Variants in ANKRD18A observed in about 807,000 individuals in gnomAD.
ANKRD18A encodes the protein ankyrin repeat domain 18A, also known as ankyrin repeat domain-containing protein 18A.
In ANKRD18A, 72 loss-of-function variants were observed where a neutral mutation model predicts 110.6. That is an observed-to-expected ratio of 0.65 (90% CI 0.54 to 0.79). ANKRD18A has a LOEUF of 0.79. ANKRD18A is among the 30% of genes least tolerant of loss of function. The pLI is 0.00. For missense variants in ANKRD18A, 934 were observed against 1,163.3 expected (o/e 0.80, Z 2.87); for synonymous variants, 305 against 410.3 (o/e 0.74, Z 3.10).
At chr9:38,591,099 T>C (rs919585382) in intron 10 of ANKRD18A, among the ~76,000 whole-genome samples, 5 of 151,834 alleles carry the variant, frequency 3.3e-5, no homozygotes, top group African/African-American at 1.2e-4. Flanking sequence ...TAGCTGGGAT[T>C]ACAGGCATGC....
rs138081438 is a variant in ANKRD18A, at chr9:38,583,976, C to T, written c.2247+2207G>A. 5.8e-3 allele frequency among the ~76,000 whole-genome samples: 886 copies of T among 152,326 alleles called. 18 individuals are homozygous for T. The highest frequency in any genetic ancestry group is 7.8e-3 in the Non-Finnish European group (530 of 68,030). ...CTTGCCTGGACTTGCCAGCAGCAGA[C>T]TGGAGGCCCACATGCACTGGGGGGA... is the stretch of plus-strand genomic sequence containing the variant. On this transcript the variant is annotated intron_variant, in intron 12 of 15. Coordinates refer to ENST00000399703, the MANE Select transcript of ANKRD18A (RefSeq NM_147195.4).
chr9:38,607,463 AT>A lies in ANKRD18A; in HGVS notation c.770del (p.Asn257IlefsTer18). The stretch of plus-strand genomic sequence containing the variant: ...TTCGAAGATGATTTTTAAGCATTTT[AT>A]TTTTATGTTCCAAAATTTGTTGTCG... ...SIRQQILEHK[N>X]KMLKNHLRND... On this transcript the variant is annotated frameshift_variant, in exon 6 of 16. Coordinates refer to ENST00000399703, the MANE Select transcript of ANKRD18A (RefSeq NM_147195.4). LOFTEE classifies it high-confidence loss of function. 1 of 1,504,902 alleles carries A rather than the reference AT, an allele frequency of 6.6e-7. No homozygotes were observed. The highest frequency in any genetic ancestry group is 8.9e-7 in the Non-Finnish European group (1 of 1,123,186). The allele number at this position is 1,504,902 out of a possible 1,614,324, so 93.2% of individuals were successfully genotyped here.
chr9:38,619,962 G>T, intron 1 of ANKRD18A, 118 bp downstream of exon 1: 1 of 1,285,126 alleles, frequency 7.8e-7, no homozygotes, highest in Non-Finnish European at 1.1e-6. Flanking sequence ...GGCTCCATTT[G>T]GCTCCGCTGC....
Position 38,575,693 on chromosome 9 carries a change from T to C in ANKRD18A, c.2747A>G (p.Asp916Gly), listed in dbSNP as rs1300346466. 1.2e-5 allele frequency: 19 copies of C among 1,550,520 alleles called. No homozygotes were observed. The highest frequency in any genetic ancestry group is 1.6e-5 in the Non-Finnish European group (18 of 1,146,504). Residue 916 changes from aspartate (D) to glycine (G), a missense_variant, in exon 15 of 16, where the codon GAT (aspartate) becomes GGT (glycine). Physicochemically the swap from Asp to Gly is moderately conservative, Grantham distance 94. Around this residue, in one of 4 missense-constraint regions of ANKRD18A, gnomAD observed 223 missense variants for 226.7 expected, o/e 0.98. Coordinates refer to ENST00000399703, the MANE Select transcript of ANKRD18A (RefSeq NM_147195.4). Reference protein sequence around the residue: ...NSMSKKLMKSDKKIAVISTKL... With the variant: ...NSMSKKLMKSGKKIAVISTKL... Reference sequence around the variant, plus strand: ...GGTGCTGATCACTGCTATTTTCTTATCCGATCTGTAAAGAGAGCAAAGACA... The same window carrying C: ...GGTGCTGATCACTGCTATTTTCTTACCCGATCTGTAAAGAGAGCAAAGACA...
At chr9:38,609,457 G>A (rs1446163913) in intron 5 of ANKRD18A, among the ~76,000 whole-genome samples, 1 of 152,002 alleles carries the variant, frequency 6.6e-6, no homozygotes, top group Non-Finnish European at 1.5e-5. Flanking sequence ...CTCCAGCCTG[G>A]GCGACTGAGC....
Position 38,590,094 on chromosome 9 carries a change from G to C in ANKRD18A, c.2005-1431C>G, listed in dbSNP as rs149269376. Among the ~76,000 whole-genome samples, 916 of 152,054 alleles carry C rather than the reference G, an allele frequency of 6.0e-3. 2 individuals are homozygous for C. Among genetic ancestry groups the C allele is most frequent in the African/African-American group, 0.021 (874 of 41,494 alleles). On this transcript the variant is annotated intron_variant, in intron 10 of 15. Transcript: ENST00000399703. ...CAGTGTTATTTTCTAATCTTGAAGG[G>C]GGGCTGTCTCACCCTTAGGATATTC...
At chr9:38,598,021 G>A (rs1393896293) in intron 8 of ANKRD18A, among the ~76,000 whole-genome samples, 2 of 152,182 alleles carry the variant, frequency 1.3e-5, no homozygotes, top group South Asian at 4.1e-4. Context: ...TAAACAGTTT[G>A]AGTCAAACAG....
intron 12 of ANKRD18A, among the ~76,000 whole-genome samples, chr9:38,583,931 T>C (rs1824266378): frequency 6.6e-6 from 1 of 152,162 alleles, no homozygotes; most frequent in African/African-American, 2.4e-5. Flanking sequence ...CCGGTGCAGA[T>C]AAGGGAACCT....
rs367772712 is a variant in ANKRD18A at position 38,596,119 on chromosome 9, C to A, written c.1221G>T (p.Lys407Asn). The A allele has an allele frequency of 9.0e-6, 14 of 1,551,040 alleles. No individual in the cohort carries two copies. The Admixed American group carries it at 2.6e-4, about 28-fold the overall frequency. ...CTAGTCTTTCTTTGTTGTGTTTTTC[C>A]TTCTCCAATTCTGAATTCAGCCTTG... ...ENARLNSELE[K>N]EKHNKERLEA... Residue 407 changes from lysine to asparagine, a missense_variant, in exon 9 of 16, where the codon AAG becomes AAT. Physicochemically the swap from Lys to Asn is moderately conservative, Grantham distance 94 (BLOSUM62 0). This residue lies in a region of ANKRD18A where 630 missense variants were observed against 797.5 expected (regional missense o/e 0.79). Transcript: ENST00000399703.
rs186704145 is a variant in ANKRD18A, at chr9:38,577,366, A to G, written c.2530-102T>C. On this transcript the variant is annotated intron_variant, in intron 13 of 15. Coordinates refer to ENST00000399703, the MANE Select transcript of ANKRD18A (RefSeq NM_147195.4). ...ATCAGTGATTCGAAGAGCAATTTTG[A>G]GTATGTTGAAAAGAGGCTGAAGCTT... The G allele has an allele frequency of 5.3e-5, 64 of 1,211,424 alleles. No homozygotes were observed. The Admixed American group carries it at 8.3e-4, about 16-fold the overall frequency. The allele number at this position is 1,211,424 out of a possible 1,614,324, so 75.0% of individuals were successfully genotyped here. A position where few individuals can be genotyped will look rare whatever the true frequency, so the allele number is the denominator to read the frequency against.
chr9:38,612,056 T>A (rs1454013078), intron 3 of ANKRD18A, among the ~76,000 whole-genome samples: 1 of 152,160 alleles, frequency 6.6e-6, no homozygotes, highest in Non-Finnish European at 1.5e-5. Context: ...AGGATGCCAA[T>A]GTCAGGCACT....
rs114557775 is a variant in ANKRD18A, at chr9:38,575,803, C to T, written c.2742-105G>A. The T allele has an allele frequency of 6.3e-3, 6,873 of 1,082,418 alleles. 34 individuals carry two copies. The highest frequency in any genetic ancestry group is 0.016 in the African/African-American group (1,012 of 62,594). 67.1% of individuals were successfully genotyped at this position (1,082,418 alleles called of 1,614,324 possible). ...TTGCCCTGAGAGTAAACCAAAATAC[C>T]CATTAAACAGTGCTTTCACACAAAG... On this transcript the variant is annotated intron_variant, in intron 14 of 15. Transcript: ENST00000399703.
chr9:38,613,417 G>A (rs1371641108), intron 3 of ANKRD18A, among the ~76,000 whole-genome samples: 1 of 152,080 alleles, frequency 6.6e-6, no homozygotes, highest in African/African-American at 2.4e-5. Flanking sequence ...AAATGATTGT[G>A]TATAAACCAA....
intron 1 of ANKRD18A, 114 bp downstream of exon 1, chr9:38,619,966 C>T: frequency 7.5e-7 from 1 of 1,341,424 alleles, no homozygotes; most frequent in Non-Finnish European, 1.0e-6. Context: ...CCATTTGGCT[C>T]CGCTGCTCCG....
intron 1 of ANKRD18A, 79 bp downstream of exon 1, chr9:38,620,001 C>T: frequency 6.6e-7 from 1 of 1,511,176 alleles, no homozygotes; most frequent in Non-Finnish European, 8.9e-7. Flanking sequence ...CCTCCAAGGT[C>T]CCCGCCCCAG....
intron 1 of ANKRD18A, among the ~76,000 whole-genome samples, chr9:38,618,189 T>C (rs936737639): frequency 1.3e-5 from 2 of 152,178 alleles, no homozygotes; most frequent in African/African-American, 4.8e-5. Flanking sequence ...TTTATTCCAT[T>C]AATAATAAAT....
In ANKRD18A at chr9:38,595,689, GTTC is replaced by G. The variant is rs949681470; in HGVS notation, c.1648_1650del (p.Glu550del). 2 of 1,551,100 alleles carry G rather than the reference GTTC, an allele frequency of 1.3e-6. No individual in the cohort carries two copies. The highest frequency in any genetic ancestry group is 2.7e-5 in the African/African-American group (2 of 72,988). ...TGTCGTTCAAGCAAGAGATTTTCAAGTTCTTGTTGACGTATTCTCTCCTCTAAA... is the reference window on the plus strand; with the variant it reads ...TGTCGTTCAAGCAAGAGATTTTCAAGTTGTTGACGTATTCTCTCCTCTAAA... On this transcript the variant is annotated inframe_deletion, in exon 9 of 16. Transcript: ENST00000399703.
At chr9:38,581,704 A>G (rs1379192378) in intron 12 of ANKRD18A, among the ~76,000 whole-genome samples, 1 of 152,204 alleles carries the variant, frequency 6.6e-6, no homozygotes, top group Non-Finnish European at 1.5e-5. Context: ...TGGAGAAGTT[A>G]AGACCATCCC....
In ANKRD18A at chr9:38,617,706, T is replaced by C. The variant is rs560520160; in HGVS notation, c.207-1662A>G. 5.9e-5 allele frequency among the ~76,000 whole-genome samples: 9 copies of C among 152,342 alleles called. No individual in the cohort carries two copies. In the South Asian group the frequency reaches 1.7e-3, roughly 28 times the overall value. The stretch of plus-strand genomic sequence containing the variant: ...GCTTCAGTGAGATTAAGTTCTACTA[T>C]TCCTATTTTAAATCTCTCATCTTGC... On this transcript the variant is annotated intron_variant, in intron 1 of 15. Coordinates refer to ENST00000399703, the MANE Select transcript of ANKRD18A (RefSeq NM_147195.4).
Sources: allele counts gnomAD v4.1 joint callset (sites outside exome capture counted in the v4.1 genomes callset), GRCh38; gene constraint gnomAD v4.1.1; regional missense constraint gnomAD v4.1.1; transcripts MANE v1.5; gene names NCBI Gene and HGNC (gene_info 2026-07-23, HGNC 2026-07-21).